Variants in RSRC1 observed in about 807,000 individuals in gnomAD.
The protein encoded by RSRC1 is arginine and serine rich coiled-coil 1.
A neutral mutation model predicts 49.1 loss-of-function variants in RSRC1; 39 were observed. The ratio of observed to expected loss-of-function variants is 0.79; its 90% CI spans 0.61 to 1.04. The LOEUF is 1.04. Ranked by LOEUF, RSRC1 falls within the 50% of genes least tolerant of loss-of-function variation. The pLI is 0.00. For synonymous variants in RSRC1, 143 were observed against 130.8 expected, an observed-to-expected ratio of 1.09 and a Z score of -0.63; for missense variants, 388 against 402.4, an observed-to-expected ratio of 0.96 and a Z score of 0.31.
At chr3:158,303,131 G>A (rs1384055882) in intron 5 of RSRC1, 2 of 152,216 alleles carry the variant, frequency 1.3e-5, no homozygotes, top group Non-Finnish European at 2.9e-5. Context: ...ACAGGAGATA[G>A]AACCTTGCCA....
At chr3:158,351,857 T>C (rs890866712) in intron 5 of RSRC1, among the ~76,000 whole-genome samples, 2 of 147,504 alleles carry the variant, frequency 1.4e-5, no homozygotes, top group Non-Finnish European at 3.0e-5. Context: ...TCTTAACAGG[T>C]ATATTTATAT....
chr3:158,395,915 C>G (rs1733586854), intron 6 of RSRC1, among the ~76,000 whole-genome samples: 1 of 152,066 alleles, frequency 6.6e-6, no homozygotes. Context: ...TTCACACACT[C>G]AAAGACATGG....
At chr3:158,175,709 T>C (rs936445614) in intron 3 of RSRC1, among the ~76,000 whole-genome samples, 2 of 152,118 alleles carry the variant, frequency 1.3e-5, no homozygotes, top group Admixed American at 6.5e-5. Flanking sequence ...AGGGAAATTC[T>C]TCTATCCAGT....
At position 158,545,199 on chromosome 3, in the gene RSRC1, T is replaced by C. The variant is rs944181093; in HGVS notation, c.*924T>C. 9 of 104,244 alleles carry C rather than the reference T, an allele frequency of 8.6e-5. 1 individual carries two copies. The highest frequency in any genetic ancestry group is 6.4e-4 in the Admixed American group (7 of 10,870). The allele number at this position is 104,244 out of a possible 1,614,324, so 6.5% of individuals were successfully genotyped here. On this transcript the variant is annotated 3_prime_UTR_variant, in exon 10 of 10. Coordinates refer to ENST00000611884, the MANE Select transcript of RSRC1 (RefSeq NM_001271838.2). The stretch of plus-strand genomic sequence containing the variant: ...TATTTCCCGTTTCTATTTTCTTTTT[T>C]TTTTTTTTTTTTTTTTTTTTGAGAC...
chr3:158,138,720 T>G lies in RSRC1; in HGVS notation c.320+14729T>G, dbSNP rs141006699. On this transcript the variant is annotated intron_variant, in intron 3 of 9. Coordinates refer to ENST00000611884, the MANE Select transcript of RSRC1 (RefSeq NM_001271838.2). ...ATAACAAACTATAGAAAATAATGTT[T>G]CCTATATTCCATGATGTATTCAGGA... is the stretch of plus-strand genomic sequence containing the variant. 4.6e-5 allele frequency among the ~76,000 whole-genome samples: 7 copies of G among 152,348 alleles called. No homozygotes were observed. The East Asian group carries it at 1.3e-3, about 29-fold the overall frequency.
At chr3:158,253,895 C>G (rs540619407) in intron 4 of RSRC1, among the ~76,000 whole-genome samples, 17 of 152,100 alleles carry the variant, frequency 1.1e-4, no homozygotes, top group Non-Finnish European at 1.9e-4. Flanking sequence ...AGGTATTTCT[C>G]CTAATGCTAT....
In RSRC1 at chr3:158,316,438, A is replaced by ATTTTTTTTTTTTTTTT. The variant is rs564633575; in HGVS notation, c.531+18374_531+18389dup. ...TAATCAGTCCACTGCAGAATCTCTC[A>ATTTTTTTTTTTTTTTT]TTTTTTTTTTTTTTTTTTTTTTTTT... On this transcript the variant is annotated intron_variant, in intron 5 of 9. Transcript: ENST00000611884. Among the ~76,000 whole-genome samples the ATTTTTTTTTTTTTTTT allele has an allele frequency of 2.9e-4, 21 of 72,236 alleles. 1 individual carries two copies. The highest frequency in any genetic ancestry group is 7.0e-4 in the African/African-American group (11 of 15,692). 47.4% of individuals were successfully genotyped at this position (72,236 alleles called of 152,430 possible). A position where few individuals can be genotyped will look rare whatever the true frequency, so the allele number is the denominator to read the frequency against.
intron 6 of RSRC1, among the ~76,000 whole-genome samples, chr3:158,458,582 G>A (rs1253732003): frequency 6.6e-6 from 1 of 152,118 alleles, no homozygotes; most frequent in Admixed American, 6.6e-5. Flanking sequence ...ACAGTTAGCC[G>A]GGGAGAGTGG....
intron 5 of RSRC1, 150 bp from the exon 6 acceptor site, chr3:158,354,707 G>A (rs901777546): frequency 4.9e-5 from 30 of 607,132 alleles, no homozygotes; most frequent in African/African-American, 3.9e-4. Context: ...ATATGCAAGT[G>A]CAAGATGTGA....
intron 3 of RSRC1, among the ~76,000 whole-genome samples, chr3:158,177,624 C>A (rs1719308396): frequency 1.3e-5 from 2 of 151,736 alleles, no homozygotes; most frequent in Non-Finnish European, 2.9e-5. Context: ...GGGGGAACAT[C>A]ACACACCAGG....
At chr3:158,360,767 C>G (rs1440779988) in intron 6 of RSRC1, among the ~76,000 whole-genome samples, 1 of 152,186 alleles carries the variant, frequency 6.6e-6, no homozygotes, top group Non-Finnish European at 1.5e-5. Context: ...GGAGCAGGCA[C>G]CCTCAAGCCT....
chr3:158,327,706 C>G (rs1193102710), intron 5 of RSRC1, among the ~76,000 whole-genome samples: 1 of 152,052 alleles, frequency 6.6e-6, no homozygotes, highest in Admixed American at 6.6e-5. Context: ...AATGTATATT[C>G]TGTTGATTTG....
chr3:158,199,946 C>T (rs954935275), intron 3 of RSRC1, among the ~76,000 whole-genome samples: 4 of 151,390 alleles, frequency 2.6e-5, no homozygotes, highest in Non-Finnish European at 4.4e-5. Context: ...TTTTGGGTGA[C>T]ACTCTTAGTT....
At chr3:158,349,740 C>G (rs1048671872) in intron 5 of RSRC1, among the ~76,000 whole-genome samples, 7 of 143,618 alleles carry the variant, frequency 4.9e-5, no homozygotes, top group Non-Finnish European at 7.4e-5. Flanking sequence ...CTTTGTCACC[C>G]AGGCTGGAGT....
At chr3:158,138,389 T>C (rs570381997) in intron 3 of RSRC1, among the ~76,000 whole-genome samples, 1 of 152,346 alleles carries the variant, frequency 6.6e-6, no homozygotes, top group South Asian at 2.1e-4. Flanking sequence ...GATTTTGTTT[T>C]GGCAGTACCA....
intron 6 of RSRC1, among the ~76,000 whole-genome samples, chr3:158,432,564 A>G (rs1374756574): frequency 6.6e-6 from 1 of 151,970 alleles, no homozygotes; most frequent in East Asian, 1.9e-4. Flanking sequence ...AGCTATCTGC[A>G]GTCTCTTCCT....
At chr3:158,219,637 C>G (rs1401373209) in intron 4 of RSRC1, among the ~76,000 whole-genome samples, 1 of 151,464 alleles carries the variant, frequency 6.6e-6, no homozygotes, top group East Asian at 2.0e-4. Context: ...GGATTTTTGA[C>G]TTGAAGGATT....
intron 4 of RSRC1, among the ~76,000 whole-genome samples, chr3:158,217,100 G>A (rs1202097349): frequency 3.3e-5 from 5 of 151,494 alleles, no homozygotes; most frequent in African/African-American, 1.2e-4. Flanking sequence ...AATCTCATGA[G>A]TGCTCCCCAC....
chr3:158,383,501 A>C (rs1227361058), intron 6 of RSRC1, among the ~76,000 whole-genome samples: 2 of 148,738 alleles, frequency 1.3e-5, no homozygotes, highest in Non-Finnish European at 3.0e-5. Context: ...CTGACTAACA[A>C]GGGAAAATAT....
Sources: gnomAD v4.1 joint callset for allele counts (sites outside exome capture counted in the v4.1 genomes callset) on GRCh38, gnomAD v4.1.1 for gene constraint, MANE v1.5 for transcripts, NCBI Gene and HGNC (gene_info 2026-07-23, HGNC 2026-07-21) for gene names.